Variants in PTPRN2 observed in about 807,000 individuals in gnomAD.
The protein encoded by PTPRN2 is protein tyrosine phosphatase receptor type N2.
Under a neutral mutation model 118.8 loss-of-function variants are expected in PTPRN2, and 74 were observed. The ratio of observed to expected loss-of-function variants is 0.62; its 90% CI spans 0.52 to 0.76. The LOEUF (loss-of-function observed/expected upper bound fraction) is 0.76, where lower values mean the gene tolerates loss of function less well. PTPRN2 is among the 30% of genes least tolerant of loss of function. PTPRN2 has a pLI of 0.00. For synonymous variants in PTPRN2, 641 were observed against 608.0 expected, an observed-to-expected ratio of 1.05 and a Z score of -0.80; for missense variants, 1,481 against 1,394.4, an observed-to-expected ratio of 1.06 and a Z score of -0.99.
At chr7:158,286,295 A>G (rs539841180) in intron 3 of PTPRN2, among the ~76,000 whole-genome samples, 2 of 152,338 alleles carry the variant, frequency 1.3e-5, no homozygotes, top group South Asian at 2.1e-4. Flanking sequence ...GTCATCTGCA[A>G]ACAGGGACAA....
Position 158,386,264 on chromosome 7 carries a change from GAGTCCCTCCTCCCGTGCCCCA to G in PTPRN2, c.164-69353_164-69333del, listed in dbSNP as rs1811355399. 4.3e-5 allele frequency among the ~76,000 whole-genome samples: 5 copies of G among 115,640 alleles called. No homozygotes were observed. In the South Asian group the frequency reaches 9.1e-4, roughly 21 times the overall value. The allele number at this position is 115,640 out of a possible 152,430, so 75.9% of individuals were successfully genotyped here. ...CCCCTCCTCCCTCCTCCCATGCCCT[GAGTCCCTCCTCCCGTGCCCCA>G]AGTCCCTCCTCCCGTGCCCCGAGTC... On this transcript the variant is annotated intron_variant, in intron 2 of 22. Coordinates refer to ENST00000389418, the MANE Select transcript of PTPRN2 (RefSeq NM_002847.5).
chr7:157,898,407 G>A (rs1470589454), intron 12 of PTPRN2, among the ~76,000 whole-genome samples: 3 of 152,198 alleles, frequency 2.0e-5, no homozygotes, highest in East Asian at 1.9e-4. Flanking sequence ...AGGCTTCTCC[G>A]TTCTTCTTAG....
chr7:158,186,442 G>A (rs73746413), intron 5 of PTPRN2, among the ~76,000 whole-genome samples: 2,077 of 152,250 alleles, frequency 0.014, 38 homozygotes, highest in African/African-American at 0.048. Flanking sequence ...TACGTCCATC[G>A]TACACCTGCA....
intron 2 of PTPRN2, among the ~76,000 whole-genome samples, chr7:158,321,429 T>C (rs1384048730): frequency 6.6e-6 from 1 of 152,120 alleles, no homozygotes; most frequent in African/African-American, 2.4e-5. Flanking sequence ...TCCTGTGCCA[T>C]GGCCCTGCAG....
In PTPRN2 at chr7:157,781,066, G is replaced by A. The variant is rs560146241; in HGVS notation, c.1789-98129C>T. Reference sequence around the variant, plus strand: ...CCCACATGCGGCTCCTTCTAGCCATGCTCACTCCCCTCTGCGGAACAAGAC... The same window carrying A: ...CCCACATGCGGCTCCTTCTAGCCATACTCACTCCCCTCTGCGGAACAAGAC... On this transcript the variant is annotated intron_variant, in intron 12 of 22. Transcript: ENST00000389418. 3.9e-5 allele frequency among the ~76,000 whole-genome samples: 6 copies of A among 152,276 alleles called. No homozygotes were observed. The East Asian group carries it at 1.2e-3, about 29-fold the overall frequency.
intron 3 of PTPRN2, among the ~76,000 whole-genome samples, chr7:158,269,074 C>A (rs1045428704): frequency 1.3e-5 from 2 of 152,202 alleles, no homozygotes; most frequent in Non-Finnish European, 2.9e-5. Context: ...CAACTTTGAA[C>A]GGAGGAGCAC....
At chr7:158,086,334 C>T (rs2128937790) in intron 10 of PTPRN2, among the ~76,000 whole-genome samples, 1 of 152,344 alleles carries the variant, frequency 6.6e-6, no homozygotes, top group South Asian at 2.1e-4. Context: ...CTGGCGTCCG[C>T]CTGCACCACT....
chr7:158,096,082 GT>G (rs535856745), intron 10 of PTPRN2, among the ~76,000 whole-genome samples: 2 of 152,006 alleles, frequency 1.3e-5, no homozygotes, highest in South Asian at 4.2e-4. Flanking sequence ...AAATTAGAGT[GT>G]TTTTTTTCCT....
At chr7:158,208,001 A>G (rs2150754514) in intron 3 of PTPRN2, among the ~76,000 whole-genome samples, 1 of 152,354 alleles carries the variant, frequency 6.6e-6, no homozygotes, top group East Asian at 1.9e-4. Flanking sequence ...TAACTGACCC[A>G]TTGCAGAATG....
chr7:157,835,485 G>T (rs1345377272), intron 12 of PTPRN2, among the ~76,000 whole-genome samples: 1 of 152,182 alleles, frequency 6.6e-6, no homozygotes, highest in Non-Finnish European at 1.5e-5. Context: ...AAGCACAAAA[G>T]ATGCTAAAAG....
intron 11 of PTPRN2, among the ~76,000 whole-genome samples, chr7:158,026,366 G>A (rs994381617): frequency 2.0e-5 from 3 of 152,124 alleles, no homozygotes; most frequent in African/African-American, 4.8e-5. Context: ...CCATAATAAC[G>A]CAAAGCAAAC....
At chr7:157,852,827 C>A (rs564952479) in intron 12 of PTPRN2, among the ~76,000 whole-genome samples, 3 of 148,272 alleles carry the variant, frequency 2.0e-5, no homozygotes, top group Non-Finnish European at 4.4e-5. Flanking sequence ...CAAGATCGCA[C>A]CACTGCACTC....
At chr7:157,826,568 G>A (rs978354318) in intron 12 of PTPRN2, among the ~76,000 whole-genome samples, 6 of 147,768 alleles carry the variant, frequency 4.1e-5, no homozygotes, top group Non-Finnish European at 9.0e-5. Context: ...AAAGATGGCA[G>A]CACGAACACG....
At chr7:157,941,001 C>T (rs1337069151) in intron 11 of PTPRN2, among the ~76,000 whole-genome samples, 1 of 69,388 alleles carries the variant, frequency 1.4e-5, no homozygotes. Flanking sequence ...CACTCTCCCC[C>T]GTGACACTGC....
In PTPRN2 at chr7:157,597,013, C is replaced by T. The variant is rs757140652; in HGVS notation, c.2419-1698G>A. Among the ~76,000 whole-genome samples the T allele has an allele frequency of 4.6e-5, 7 of 152,130 alleles. No individual in the cohort carries two copies. The South Asian group carries it at 6.2e-4, about 14-fold the overall frequency. The stretch of plus-strand genomic sequence containing the variant: ...ACGTGGGGCACGTTTTCTTTAACAG[C>T]GAGCCAGTGAGTCCCCGTGCAGCCG... On this transcript the variant is annotated intron_variant, in intron 16 of 22. Coordinates refer to ENST00000389418, the MANE Select transcript of PTPRN2 (RefSeq NM_002847.5).
At chr7:157,879,839 A>AAC (rs1329875336) in intron 12 of PTPRN2, among the ~76,000 whole-genome samples, 1 of 150,508 alleles carries the variant, frequency 6.6e-6, no homozygotes, top group African/African-American at 2.4e-5. Context: ...TCTTTGTTAA[A>AAC]AAAAAAAAAA....
intron 2 of PTPRN2, among the ~76,000 whole-genome samples, chr7:158,341,167 G>T (rs1355953054): frequency 6.7e-6 from 1 of 148,264 alleles, no homozygotes; most frequent in African/African-American, 2.5e-5. Flanking sequence ...GCCCGCAGAC[G>T]TCACTCACAC....
At position 157,956,141 on chromosome 7, in the gene PTPRN2, T is replaced by C. The variant is rs181455568; in HGVS notation, c.1724-57404A>G. ...TACACTGTTGTTTATGGCTGTTTGA[T>C]GAGAAAAGCCTAGGGACGGCTGGTT... On this transcript the variant is annotated intron_variant, in intron 11 of 22. Transcript: ENST00000389418. 3.0e-3 allele frequency among the ~76,000 whole-genome samples: 461 copies of C among 152,248 alleles called. 10 individuals are homozygous for C. In the South Asian group the frequency reaches 0.044, roughly 14 times the overall value.
In PTPRN2 at chr7:158,093,649, C is replaced by T. The variant is rs750270122; in HGVS notation, c.1644-12272G>A. ...CAGCTATGTCTTCTTACAGAGGAGA[C>T]ATCGGGAACATAAAACTCCGGAATT... On this transcript the variant is annotated intron_variant, in intron 10 of 22. Transcript: ENST00000389418. This position sits in a 1 kb window ranked among gnomAD's most constrained non-coding sequence, Gnocchi z 4.4. 6.6e-6 allele frequency among the ~76,000 whole-genome samples: 1 copy of T among 152,232 alleles called. No homozygotes were observed. Among genetic ancestry groups the T allele is most frequent in the Non-Finnish European group, 1.5e-5 (1 of 68,048 alleles).
Sources: gnomAD v4.1 joint callset for allele counts (sites outside exome capture counted in the v4.1 genomes callset) on GRCh38, gnomAD v4.1.1 for gene constraint, Gnocchi (gnomAD v3.1) non-coding constraint, MANE v1.5 for transcripts, NCBI Gene and HGNC (gene_info 2026-07-23, HGNC 2026-07-21) for gene names.